The following ZMIZ1 variants were observed in gnomAD, a reference collection of about 807,000 sequenced individuals.
ZMIZ1 encodes zinc finger MIZ domain-containing protein 1.
In ZMIZ1, 17 loss-of-function variants were observed where a neutral mutation model predicts 113.9. That is an observed-to-expected ratio of 0.15 (90% CI 0.10 to 0.22). The LOEUF (loss-of-function observed/expected upper bound fraction) is 0.22. ZMIZ1 is among the 10% of genes least tolerant of loss of function. The pLI is 1.00. For synonymous variants in ZMIZ1, 607 were observed against 603.1 expected, an observed-to-expected ratio of 1.01 and a Z score of -0.09; for missense variants, 1,059 against 1,477.8, an observed-to-expected ratio of 0.72 and a Z score of 4.65.
Position 79,069,390 on chromosome 10 carries a change from C to T in ZMIZ1, c.-337+120C>T, listed in dbSNP as rs1842168622. 2 of 150,358 alleles carry T rather than the reference C, an allele frequency of 1.3e-5. No individual in the cohort carries two copies. Among genetic ancestry groups the T allele is most frequent in the African/African-American group, 4.9e-5 (2 of 41,106 alleles). The allele number at this position is 150,358 out of a possible 1,614,324, so 9.3% of individuals were successfully genotyped here. On this transcript the variant is annotated intron_variant, in intron 1 of 24. Coordinates refer to ENST00000334512, the MANE Select transcript of ZMIZ1 (RefSeq NM_020338.4). This position sits in a 1 kb window ranked among gnomAD's most constrained non-coding sequence, Gnocchi z 4.6. ...GGGGTTTTTCCCTTAAAGTGTCCCC[C>T]GGAGCGGGGCGACCGGCCGGCGGCG... is the stretch of plus-strand genomic sequence containing the variant.
chr10:79,175,058 C>T (rs572646225), intron 4 of ZMIZ1, among the ~76,000 whole-genome samples: 2 of 152,354 alleles, frequency 1.3e-5, no homozygotes, highest in East Asian at 1.9e-4. Context: ...TTCCAGGTCA[C>T]CTCACCAGGC....
At chr10:79,155,829 G>A (rs1845883746) in intron 3 of ZMIZ1, among the ~76,000 whole-genome samples, 2 of 152,378 alleles carry the variant, frequency 1.3e-5, no homozygotes, top group South Asian at 4.1e-4. Context: ...AAGCCTCTGG[G>A]CCTTTGCCCA....
chr10:79,255,309 G>A (rs935124230), intron 7 of ZMIZ1, among the ~76,000 whole-genome samples: 3 of 152,244 alleles, frequency 2.0e-5, no homozygotes, highest in African/African-American at 7.2e-5. Context: ...GGAAGGCCGG[G>A]CTCTAGCCCT....
intron 4 of ZMIZ1, among the ~76,000 whole-genome samples, chr10:79,183,166 C>T (rs896461929): frequency 5.9e-5 from 9 of 152,254 alleles, no homozygotes; most frequent in Non-Finnish European, 1.2e-4. Flanking sequence ...CCCCATGGTG[C>T]AGGGAGCACA....
intron 1 of ZMIZ1, among the ~76,000 whole-genome samples, chr10:79,106,047 A>G (rs1354558413): frequency 6.6e-6 from 1 of 152,230 alleles, no homozygotes; most frequent in East Asian, 1.9e-4. Flanking sequence ...GGGGCTACAG[A>G]AAGCCCCATT....
chr10:79,183,893 G>A lies in ZMIZ1; in HGVS notation c.-49-17691G>A, dbSNP rs144095856. ...TCAGACCAGGGCTGGAATCCCAGCTGTGCCCCTTATTAGCTCTGTGAACTT... is the reference window on the plus strand; with the variant it reads ...TCAGACCAGGGCTGGAATCCCAGCTATGCCCCTTATTAGCTCTGTGAACTT... On this transcript the variant is annotated intron_variant, in intron 4 of 24. Transcript: ENST00000334512. Among the ~76,000 whole-genome samples the A allele has an allele frequency of 3.3e-5, 5 of 152,294 alleles. No homozygotes were observed. The East Asian group carries it at 9.7e-4, about 29-fold the overall frequency.
At position 79,301,016 on chromosome 10, in the gene ZMIZ1, T is replaced by A. The variant is rs7908361; in HGVS notation, c.2019+74T>A. On this transcript the variant is annotated intron_variant, in intron 17 of 24. Coordinates refer to ENST00000334512, the MANE Select transcript of ZMIZ1 (RefSeq NM_020338.4). ...CACGGCATGAGAGTGCGGAATACCC[T>A]GCCCCACTCTGGTCCTCAGCCTTGT... 12,430 of 1,562,570 alleles carry A rather than the reference T, an allele frequency of 8.0e-3. 851 individuals are homozygous for A. In the African/African-American group the frequency reaches 0.15, roughly 18 times the overall value.
chr10:79,300,651 T>A, intron 16 of ZMIZ1, 81 bp from the exon 17 acceptor site: 1 of 1,500,506 alleles, frequency 6.7e-7, no homozygotes. Context: ...TGTTTAGAGG[T>A]GTGTGACCTG....
chr10:79,227,061 T>C (rs1849225380), intron 7 of ZMIZ1, among the ~76,000 whole-genome samples: 1 of 152,212 alleles, frequency 6.6e-6, no homozygotes, highest in Non-Finnish European at 1.5e-5. Flanking sequence ...AATAAAATAA[T>C]TTGACCAGGG....
chr10:79,315,967 C>A lies in ZMIZ1; in HGVS notation c.*3218C>A, dbSNP rs972706390. On this transcript the variant is annotated 3_prime_UTR_variant, in exon 25 of 25. Coordinates refer to ENST00000334512, the MANE Select transcript of ZMIZ1 (RefSeq NM_020338.4). ...CTCTCGCTCATGTAATATACTCTGA[C>A]CCTGAGTGGAAAGGGGTTTTTGTTC... 2 of 152,716 alleles carry A rather than the reference C, an allele frequency of 1.3e-5. No individual in the cohort carries two copies. The highest frequency in any genetic ancestry group is 2.9e-5 in the Non-Finnish European group (2 of 68,044). The allele number at this position is 152,716 out of a possible 1,614,324, so 9.5% of individuals were successfully genotyped here.
chr10:79,230,876 A>G (rs914988592), intron 7 of ZMIZ1, among the ~76,000 whole-genome samples: 1 of 152,220 alleles, frequency 6.6e-6, no homozygotes, highest in African/African-American at 2.4e-5. Context: ...GAGAAAAACA[A>G]AAGAGAAGAA....
chr10:79,267,077 G>C (rs1279040396), intron 7 of ZMIZ1, among the ~76,000 whole-genome samples: 1 of 152,262 alleles, frequency 6.6e-6, no homozygotes, highest in Non-Finnish European at 1.5e-5. Flanking sequence ...ACACACTCCA[G>C]AGGAGGAAGG....
At position 79,111,531 on chromosome 10, in the gene ZMIZ1, G is replaced by A. The variant is rs1317848353; in HGVS notation, c.-336-7384G>A. Among the ~76,000 whole-genome samples, 4 of 152,328 alleles carry A rather than the reference G, an allele frequency of 2.6e-5. No homozygotes were observed. The East Asian group carries it at 7.7e-4, about 29-fold the overall frequency. ...CTGTGGGGTGAAGCAGATGGCCAGG[G>A]GGTGTGGGTGACGGGGGAGGCGCAC... is the stretch of plus-strand genomic sequence containing the variant. On this transcript the variant is annotated intron_variant, in intron 1 of 24. Transcript: ENST00000334512.
At chr10:79,269,760 G>C (rs1851838123) in intron 7 of ZMIZ1, among the ~76,000 whole-genome samples, 1 of 152,038 alleles carries the variant, frequency 6.6e-6, no homozygotes, top group Non-Finnish European at 1.5e-5. Context: ...ACCTCCCCTT[G>C]CCTGGCTCCA....
chr10:79,253,334 A>T (rs1396795890), intron 7 of ZMIZ1, among the ~76,000 whole-genome samples: 1 of 152,166 alleles, frequency 6.6e-6, no homozygotes, highest in Non-Finnish European at 1.5e-5. Flanking sequence ...GAGTTTGTGC[A>T]GGCTTACAAA....
At chr10:79,212,852 T>C (rs564361010) in intron 6 of ZMIZ1, among the ~76,000 whole-genome samples, 1 of 152,212 alleles carries the variant, frequency 6.6e-6, no homozygotes, top group East Asian at 1.9e-4. Context: ...CTATCCTGCC[T>C]CAGCCTCCCA....
At chr10:79,141,291 C>A (rs150296122) in intron 3 of ZMIZ1, among the ~76,000 whole-genome samples, 3 of 152,312 alleles carry the variant, frequency 2.0e-5, no homozygotes, top group African/African-American at 7.2e-5. Flanking sequence ...AGACAAAACT[C>A]CCTGCCCTTA....
At chr10:79,216,573 C>T (rs767373064) in intron 7 of ZMIZ1, among the ~76,000 whole-genome samples, 7 of 152,168 alleles carry the variant, frequency 4.6e-5, no homozygotes, top group Non-Finnish European at 8.8e-5. Flanking sequence ...TCAGCTCACT[C>T]CATCACCACG....
At chr10:79,095,366 T>C (rs1843134851) in intron 1 of ZMIZ1, among the ~76,000 whole-genome samples, 1 of 152,204 alleles carries the variant, frequency 6.6e-6, no homozygotes, top group South Asian at 2.1e-4. Flanking sequence ...AATAGTACTG[T>C]TATAAAAAAC....
Sources: allele counts gnomAD v4.1 joint callset (sites outside exome capture counted in the v4.1 genomes callset), GRCh38; gene constraint gnomAD v4.1.1; non-coding constraint Gnocchi (gnomAD v3.1); transcripts MANE v1.5; gene names NCBI Gene and HGNC (gene_info 2026-07-23, HGNC 2026-07-21).